The following CASTOR2 variants were observed in gnomAD, a reference collection of about 807,000 sequenced individuals.
CASTOR2 encodes cytosolic arginine sensor for mTORC1 subunit 2, also known as GATS protein like 2.
In CASTOR2, 8 loss-of-function variants were observed where a neutral mutation model predicts 31.2. The observed-to-expected ratio is 0.26, with a 90% CI of 0.15 to 0.46. The LOEUF (loss-of-function observed/expected upper bound fraction) is 0.46, where lower values mean the gene tolerates loss of function less well. CASTOR2 is among the 20% of genes least tolerant of loss of function. The pLI, the probability that CASTOR2 is intolerant of heterozygous loss-of-function variation, is 0.99. For missense variants in CASTOR2, 216 were observed against 382.1 expected (o/e 0.57, Z 3.62); for synonymous variants, 162 against 158.7 (o/e 1.02, Z -0.16).
chr7:74,986,757 A>G (rs1287593269), intron 1 of CASTOR2, among the ~76,000 whole-genome samples: 2 of 152,186 alleles, frequency 1.3e-5, no homozygotes, highest in African/African-American at 4.8e-5. Flanking sequence ...TGAAAAACAA[A>G]TGGTTTGGCC....
chr7:75,000,954 C>T (rs1407106682), intron 1 of CASTOR2, among the ~76,000 whole-genome samples: 2 of 152,178 alleles, frequency 1.3e-5, no homozygotes, highest in Admixed American at 6.5e-5. Context: ...TGATCCACCG[C>T]ACCCGGCAGG....
In CASTOR2 at chr7:74,974,415, G is replaced by A. The variant is rs1469593017; in HGVS notation, c.113+9317G>A. 2.7e-5 allele frequency among the ~76,000 whole-genome samples: 4 copies of A among 150,810 alleles called. 1 individual carries two copies. The highest frequency in any genetic ancestry group is 1.3e-4 in the Admixed American group (2 of 15,112). ...GTATGTTCTCCAGCAAAGGTAGAGG[G>A]TGAGAGGACCAGAGGCCCACACAGG... On this transcript the variant is annotated intron_variant, in intron 1 of 8. Coordinates refer to ENST00000616305, the MANE Select transcript of CASTOR2 (RefSeq NM_001145064.3).
At chr7:74,977,138 C>T (rs1396604662) in intron 1 of CASTOR2, among the ~76,000 whole-genome samples, 1 of 138,100 alleles carries the variant, frequency 7.2e-6, no homozygotes, top group African/African-American at 2.7e-5. Context: ...GAGCCGAAAT[C>T]GTGCCACTAC....
intron 1 of CASTOR2, among the ~76,000 whole-genome samples, chr7:74,988,672 T>C (rs1804131477): frequency 6.6e-6 from 1 of 152,162 alleles, no homozygotes; most frequent in South Asian, 2.1e-4. Context: ...GACGTACTTA[T>C]TGATCCTGCT....
intron 3 of CASTOR2, 43 bp from the exon 4 acceptor site, chr7:75,017,947 C>T (rs1223235929): frequency 4.3e-6 from 7 of 1,613,934 alleles, no homozygotes; most frequent in Non-Finnish European, 5.1e-6. Flanking sequence ...CCCACATCCC[C>T]CAGGGCCACC....
intron 1 of CASTOR2, among the ~76,000 whole-genome samples, chr7:75,006,016 G>C (rs2131943250): frequency 6.6e-6 from 1 of 152,302 alleles, no homozygotes; most frequent in South Asian, 2.1e-4. Flanking sequence ...TGTAAGCCCA[G>C]CTACTGGGGA....
At chr7:74,998,492 A>G (rs1375103059) in intron 1 of CASTOR2, among the ~76,000 whole-genome samples, 4 of 151,572 alleles carry the variant, frequency 2.6e-5, no homozygotes, top group Non-Finnish European at 5.9e-5. Context: ...AATCCCGGCT[A>G]CTCGGGGAGC....
In CASTOR2 at chr7:74,988,999, C is replaced by A. The variant is rs868975410; in HGVS notation, c.114-18995C>A. ...TTTTTGAGACGGAGTCTTGCTCTGT[C>A]ACCCAGGCTGGAGTGCAGTGGCGCC... On this transcript the variant is annotated intron_variant, in intron 1 of 8. Coordinates refer to ENST00000616305, the MANE Select transcript of CASTOR2 (RefSeq NM_001145064.3). Among the ~76,000 whole-genome samples the A allele has an allele frequency of 4.9e-5, 7 of 144,096 alleles. No individual in the cohort carries two copies. In the South Asian group the frequency reaches 6.5e-4, roughly 13 times the overall value. The allele number at this position is 144,096 out of a possible 152,430, so 94.5% of individuals were successfully genotyped here.
Position 75,017,737 on chromosome 7 carries a change from T to C in CASTOR2, c.324T>C (p.Ala108=). The C allele has an allele frequency of 6.2e-7, 1 of 1,614,038 alleles. No homozygotes were observed. The highest frequency in any genetic ancestry group is 8.5e-7 in the Non-Finnish European group (1 of 1,179,882). Residue 108 remains alanine (A), a synonymous_variant, in exon 3 of 9, where the codon GCT becomes GCC. Coordinates refer to ENST00000616305, the MANE Select transcript of CASTOR2 (RefSeq NM_001145064.3). ...KIAKSVIAPL[A]DQNISVFMLS... ...CCAAGTCAGTCATCGCCCCACTGGC[T>C]GACCAGAACATATCCGTGTTCATGC...
intron 1 of CASTOR2, among the ~76,000 whole-genome samples, chr7:75,006,251 T>G (rs1368551069): frequency 6.6e-6 from 1 of 152,164 alleles, no homozygotes; most frequent in Non-Finnish European, 1.5e-5. Flanking sequence ...ATCACTGCAC[T>G]CCAGACTAGG....
At chr7:74,976,459 T>C (rs1299597471) in intron 1 of CASTOR2, among the ~76,000 whole-genome samples, 1 of 148,686 alleles carries the variant, frequency 6.7e-6, no homozygotes, top group East Asian at 2.0e-4. Context: ...TGCTTGAGCC[T>C]AGGAGGTAGA....
chr7:74,967,554 T>G (rs1641950228), intron 1 of CASTOR2, among the ~76,000 whole-genome samples: 1 of 123,080 alleles, frequency 8.1e-6, no homozygotes, highest in African/African-American at 2.9e-5. Flanking sequence ...TTTTTTTTTT[T>G]TTTTTTTTGA....
At position 74,985,502 on chromosome 7, in the gene CASTOR2, G is replaced by A. The variant is rs1260258948; in HGVS notation, c.113+20404G>A. 4.0e-5 allele frequency among the ~76,000 whole-genome samples: 6 copies of A among 148,592 alleles called. No homozygotes were observed. The East Asian group carries it at 6.0e-4, about 15-fold the overall frequency. ...AGGCTTAGGTGGGAGGATCACTTGA[G>A]CCTGGGAGGTTGAGGCTGCAGTAAT... On this transcript the variant is annotated intron_variant, in intron 1 of 8. Transcript: ENST00000616305.
Position 75,020,309 on chromosome 7 carries a change from C to G in CASTOR2, c.746+160C>G, listed in dbSNP as rs2131956027. ...CCAGGCTGGGGTGCAGTGGTGCGAT[C>G]TCGGCTCAAGGCAACCTCCACCTCT... On this transcript the variant is annotated intron_variant, in intron 6 of 8. Coordinates refer to ENST00000616305, the MANE Select transcript of CASTOR2 (RefSeq NM_001145064.3). Among the ~76,000 whole-genome samples, 3 of 151,982 alleles carry G rather than the reference C, an allele frequency of 2.0e-5. No individual in the cohort carries two copies. In the South Asian group the frequency reaches 6.2e-4, roughly 32 times the overall value.
intron 7 of CASTOR2, among the ~76,000 whole-genome samples, chr7:75,022,672 G>C (rs899633804): frequency 1.3e-5 from 2 of 152,130 alleles, no homozygotes; most frequent in African/African-American, 4.8e-5. Flanking sequence ...AGTGGCGTGC[G>C]CCTGTAATCC....
Position 75,027,096 on chromosome 7 carries a change from C to G in CASTOR2, c.*2397C>G, listed in dbSNP as rs912843936. On this transcript the variant is annotated 3_prime_UTR_variant, in exon 9 of 9. Transcript: ENST00000616305. ...GGGCGTGATGGCCTCCACCCCGCAC[C>G]GTCTGCCATACACGCGGGCACATTT... The G allele has an allele frequency of 1.3e-5, 2 of 152,232 alleles. No homozygotes were observed. The highest frequency in any genetic ancestry group is 4.8e-5 in the African/African-American group (2 of 41,456). 9.4% of individuals were successfully genotyped at this position (152,232 alleles called of 1,614,324 possible).
chr7:75,001,537 C>A (rs1460481386), intron 1 of CASTOR2, among the ~76,000 whole-genome samples: 15 of 152,264 alleles, frequency 9.9e-5, no homozygotes, highest in African/African-American at 3.4e-4. Flanking sequence ...TTAGAAAAGG[C>A]GGAGAGAGAA....
At chr7:75,005,883 ACTTTGGGATG>A (rs1417106210) in intron 1 of CASTOR2, among the ~76,000 whole-genome samples, 4 of 152,220 alleles carry the variant, frequency 2.6e-5, no homozygotes, top group African/African-American at 7.2e-5. Context: ...TAATCCCAGC[ACTTTGGGATG>A]CTGAGGCGGG....
At chr7:75,003,576 C>T (rs2131941477) in intron 1 of CASTOR2, among the ~76,000 whole-genome samples, 1 of 152,240 alleles carries the variant, frequency 6.6e-6, no homozygotes, top group South Asian at 2.1e-4. Context: ...CGATGAAACC[C>T]TGTCTCTACT....
Sources: allele counts gnomAD v4.1 joint callset (sites outside exome capture counted in the v4.1 genomes callset), GRCh38; gene constraint gnomAD v4.1.1; transcripts MANE v1.5; gene names NCBI Gene and HGNC (gene_info 2026-07-23, HGNC 2026-07-21).